Variants in APBA3 observed in about 807,000 individuals in gnomAD.
APBA3 encodes amyloid-beta A4 precursor protein-binding family A member 3.
APBA3 carries 45 observed loss-of-function variants against 55.9 expected under a neutral mutation model. The ratio of observed to expected loss-of-function variants is 0.80; its 90% CI spans 0.63 to 1.03. APBA3 has a LOEUF of 1.03. Ranked by LOEUF, APBA3 falls within the 50% of genes least tolerant of loss-of-function variation. The pLI is 0.00. For synonymous variants in APBA3, 370 were observed against 353.3 expected, an observed-to-expected ratio of 1.05 and a Z score of -0.53; for missense variants, 865 against 820.3, an observed-to-expected ratio of 1.05 and a Z score of -0.67.
intron 3 of APBA3, among the ~76,000 whole-genome samples, chr19:3,757,786 CAA>C (rs1236897626): frequency 6.6e-6 from 1 of 152,112 alleles, no homozygotes; most frequent in African/African-American, 2.4e-5. Flanking sequence ...TGTAAAGGGC[CAA>C]AGAGTAAATA....
intron 6 of APBA3, 113 bp downstream of exon 6, chr19:3,753,652 A>T (rs2037037811): frequency 5.3e-6 from 6 of 1,125,960 alleles, no homozygotes; most frequent in Non-Finnish European, 7.3e-6. Flanking sequence ...TCCCAAAAAA[A>T]GAATTTAAAA....
At chr19:3,759,450 A>C in intron 3 of APBA3, 111 bp downstream of exon 3, 1 of 1,108,480 alleles carries the variant, frequency 9.0e-7, no homozygotes, top group Non-Finnish European at 1.3e-6. Context: ...CCACCCTCAG[A>C]GGCTCCCGAG....
chr19:3,751,155 G>T, intron 10 of APBA3, 34 bp downstream of exon 10: 1 of 1,554,562 alleles, frequency 6.4e-7, no homozygotes. Context: ...GGGGACGTGG[G>T]GGCGCCCCTG....
chr19:3,755,603 G>T (rs1349826458), intron 3 of APBA3: 2 of 145,336 alleles, frequency 1.4e-5, no homozygotes, highest in East Asian at 4.0e-4. Context: ...TTCGAGACCT[G>T]CCTGGCCAAC....
At chr19:3,751,400 C>A in intron 9 of APBA3, 34 bp downstream of exon 9, 1 of 1,508,078 alleles carries the variant, frequency 6.6e-7, no homozygotes. Flanking sequence ...GCCGCCCTAC[C>A]CCCCCACCCC....
intron 3 of APBA3, among the ~76,000 whole-genome samples, chr19:3,756,991 C>T (rs1463056747): frequency 6.6e-6 from 1 of 152,158 alleles, no homozygotes; most frequent in Non-Finnish European, 1.5e-5. Flanking sequence ...GATTCCTTTA[C>T]CCTAGAAACA....
chr19:3,758,597 T>G (rs987200007), intron 3 of APBA3, among the ~76,000 whole-genome samples: 1 of 152,104 alleles, frequency 6.6e-6, no homozygotes, highest in Non-Finnish European at 1.5e-5. Context: ...TAGTATTCTT[T>G]GGCCAGGCGT....
At chr19:3,758,357 C>T (rs931686310) in intron 3 of APBA3, among the ~76,000 whole-genome samples, 4 of 152,050 alleles carry the variant, frequency 2.6e-5, no homozygotes, top group African/African-American at 9.7e-5. Flanking sequence ...CTCCTGGGCT[C>T]AAGAACTTCT....
chr19:3,753,000 G>A lies in APBA3; in HGVS notation c.1012-10C>T. 6.2e-7 allele frequency: 1 copy of A among 1,609,112 alleles called. No homozygotes were observed. The highest frequency in any genetic ancestry group is 8.5e-7 in the Non-Finnish European group (1 of 1,179,680). On this transcript the variant is annotated splice_polypyrimidine_tract_variant and intron_variant, in intron 6 of 10. Coordinates refer to ENST00000316757, the MANE Select transcript of APBA3 (RefSeq NM_004886.4). ...GGGCGATGAGCTGGGCCTGCGGGGA[G>A]GAGTGGCGCGTCCCTGGGGTGTCCC... is the stretch of plus-strand genomic sequence containing the variant.
intron 6 of APBA3, chr19:3,753,517 A>G (rs1599172219): frequency 2.1e-6 from 1 of 468,688 alleles, no homozygotes; most frequent in South Asian, 4.4e-5. Flanking sequence ...GCATGGTGAT[A>G]CCCCGGTGGT....
intron 1 of APBA3, among the ~76,000 whole-genome samples, chr19:3,760,746 CAA>C (rs34046514): frequency 2.6e-5 from 3 of 116,766 alleles, no homozygotes; most frequent in Non-Finnish European, 1.7e-5. Context: ...AGACTATCTC[CAA>C]AAAAAAAAAA....
At chr19:3,751,731 G>C (rs2037008691) in intron 8 of APBA3, 178 bp from the exon 9 acceptor site, 3 of 724,054 alleles carry the variant, frequency 4.1e-6, no homozygotes, top group Non-Finnish European at 6.5e-6. Context: ...GCATGGGGTC[G>C]AAGCTGTCTG....
At chr19:3,755,558 C>CTGGG (rs1315320248) in intron 3 of APBA3, 1 of 49,026 alleles carries the variant, frequency 2.0e-5, no homozygotes, top group East Asian at 6.7e-4. Context: ...CTTTAGGAGG[C>CTGGG]CGGGGGGGGG....
In APBA3 at chr19:3,757,604, C is replaced by T. The variant is rs146103845; in HGVS notation, c.616+1957G>A. On this transcript the variant is annotated intron_variant, in intron 3 of 10. Coordinates refer to ENST00000316757, the MANE Select transcript of APBA3 (RefSeq NM_004886.4). Reference sequence around the variant, plus strand: ...AAAATTAGCTGGGCACGGTGGCGGACGCTTGTAATCTCAGCTACTCAGGAG... The same window carrying T: ...AAAATTAGCTGGGCACGGTGGCGGATGCTTGTAATCTCAGCTACTCAGGAG... Among the ~76,000 whole-genome samples, 228 of 152,160 alleles carry T rather than the reference C, an allele frequency of 1.5e-3. 1 individual carries two copies. In the Middle Eastern group the frequency reaches 0.017, roughly 11 times the overall value.
intron 7 of APBA3, 39 bp downstream of exon 7, chr19:3,752,781 G>C: frequency 1.9e-6 from 3 of 1,609,826 alleles, no homozygotes; most frequent in South Asian, 2.2e-5. Flanking sequence ...GCACGGGTGT[G>C]GGGGGCACCA....
rs368843220 is a variant in APBA3 at position 3,751,378 on chromosome 19, G to T, written c.1516-49C>A. 86 of 1,515,470 alleles carry T rather than the reference G, an allele frequency of 5.7e-5. No individual in the cohort carries two copies. The African/African-American group carries it at 9.2e-4, about 16-fold the overall frequency. 93.9% of individuals were successfully genotyped at this position (1,515,470 alleles called of 1,614,324 possible). A position where few individuals can be genotyped will look rare whatever the true frequency, so the allele number is the denominator to read the frequency against. On this transcript the variant is annotated intron_variant, in intron 9 of 10. Coordinates refer to ENST00000316757, the MANE Select transcript of APBA3 (RefSeq NM_004886.4). ...GGAAAGAGGTGGGGGCTGCTCAGGG[G>T]CCGTGCTCAGGGCCGCCCTACCCCC...
rs752753735 is a variant in APBA3, at chr19:3,751,516, A to T, written c.1433T>A (p.Val478Asp). The T allele has an allele frequency of 1.9e-6, 3 of 1,588,972 alleles. No homozygotes were observed. Among genetic ancestry groups the T allele is most frequent in the Non-Finnish European group, 1.7e-6 (2 of 1,170,878 alleles). The change falls in exon 9 of 11, where the codon GTC becomes GAC. Residue 478 changes from valine (V) to aspartate (D), a missense_variant. Physicochemically the swap from Val to Asp is radical, Grantham distance 152. Transcript: ENST00000316757. The part of the protein sequence containing the change: ...KSQTSVTLSI[V>D]HCPPVTTAII... Reference sequence around the variant, plus strand: ...GGCGGTGGTGACGGGAGGGCAGTGGACGATGCTGAGTGTCACCGACGTCTG... The same window carrying T: ...GGCGGTGGTGACGGGAGGGCAGTGGTCGATGCTGAGTGTCACCGACGTCTG...
intron 4 of APBA3, 43 bp downstream of exon 4, chr19:3,754,152 G>A: frequency 6.4e-7 from 1 of 1,552,340 alleles, no homozygotes; most frequent in Non-Finnish European, 8.7e-7. Context: ...GACCCAGCCT[G>A]CAGCCCACCC....
At chr19:3,751,617 CTG>C (rs2037007195) in intron 8 of APBA3, 64 bp from the exon 9 acceptor site, 2 of 1,511,272 alleles carry the variant, frequency 1.3e-6, no homozygotes, top group African/African-American at 2.8e-5. Flanking sequence ...GTAGCCCCCT[CTG>C]GGCCTCAGTT....
Sources: allele counts gnomAD v4.1 joint callset (sites outside exome capture counted in the v4.1 genomes callset), GRCh38; gene constraint gnomAD v4.1.1; transcripts MANE v1.5; gene names NCBI Gene and HGNC (gene_info 2026-07-23, HGNC 2026-07-21).